Variants in AMBRA1 observed in about 807,000 individuals in gnomAD.
AMBRA1 encodes the protein activating molecule in BECN1-regulated autophagy protein 1.
Under a neutral mutation model 125.4 loss-of-function variants are expected in AMBRA1, and 47 were observed. The ratio of observed to expected loss-of-function variants is 0.37; its 90% CI spans 0.30 to 0.48. AMBRA1 has a LOEUF of 0.48. Among genes scored for constraint, AMBRA1 ranks in the 20% least tolerant of loss-of-function variants. The pLI is 0.99. For missense variants in AMBRA1, 1,331 were observed against 1,693.4 expected (o/e 0.79, Z 3.76); for synonymous variants, 626 against 655.5 (o/e 0.95, Z 0.69).
intron 7 of AMBRA1, among the ~76,000 whole-genome samples, chr11:46,541,065 A>G (rs1394485623): frequency 2.6e-5 from 4 of 152,264 alleles, no homozygotes; most frequent in Non-Finnish European, 1.5e-5. Context: ...GCAGCGCAAT[A>G]TGCTGTTTGG....
At chr11:46,509,849 G>T (rs965840870) in intron 8 of AMBRA1, among the ~76,000 whole-genome samples, 1 of 152,116 alleles carries the variant, frequency 6.6e-6, no homozygotes, top group Non-Finnish European at 1.5e-5. Flanking sequence ...AAAGGGCATA[G>T]ATTTTCGGTT....
At chr11:46,410,177 G>T in intron 16 of AMBRA1, 99 bp downstream of exon 16, 2 of 1,050,914 alleles carry the variant, frequency 1.9e-6, no homozygotes, top group South Asian at 2.5e-5. Flanking sequence ...GTTGAGGAGG[G>T]ACCCAGAGCC....
intron 1 of AMBRA1, among the ~76,000 whole-genome samples, chr11:46,556,285 C>A (rs1393094706): frequency 6.6e-6 from 1 of 152,164 alleles, no homozygotes; most frequent in African/African-American, 2.4e-5. Flanking sequence ...GCACCACAAG[C>A]CAGCACCCAC....
intron 9 of AMBRA1, among the ~76,000 whole-genome samples, chr11:46,499,317 A>C (rs539799754): frequency 6.6e-6 from 1 of 152,154 alleles, no homozygotes; most frequent in South Asian, 2.1e-4. Flanking sequence ...TTCCTGCTGT[A>C]TTTTCCCATT....
chr11:46,439,106 A>G (rs1026112477), intron 12 of AMBRA1, among the ~76,000 whole-genome samples: 1 of 152,158 alleles, frequency 6.6e-6, no homozygotes, highest in Non-Finnish European at 1.5e-5. Flanking sequence ...TCTCATCTCT[A>G]TAAAAAAAAA....
chr11:46,513,710 T>G (rs1056875812), intron 7 of AMBRA1, among the ~76,000 whole-genome samples: 12 of 152,174 alleles, frequency 7.9e-5, no homozygotes, highest in Non-Finnish European at 1.6e-4. Flanking sequence ...AGAGCATATG[T>G]ATTCAATGGA....
chr11:46,546,405 C>T (rs1407010707), intron 4 of AMBRA1, among the ~76,000 whole-genome samples: 1 of 152,026 alleles, frequency 6.6e-6, no homozygotes, highest in Non-Finnish European at 1.5e-5. Context: ...AGACAACCCG[C>T]TAGCCAGTTA....
At chr11:46,494,275 A>G (rs1383962997) in intron 9 of AMBRA1, 71 bp from the exon 10 acceptor site, 3 of 1,336,304 alleles carry the variant, frequency 2.2e-6, no homozygotes, top group African/African-American at 2.9e-5. Context: ...CAAAAAGGAA[A>G]CATCCCCAAA....
intron 7 of AMBRA1, among the ~76,000 whole-genome samples, chr11:46,524,756 C>T (rs1951896232): frequency 6.6e-6 from 1 of 152,120 alleles, no homozygotes; most frequent in South Asian, 2.1e-4. Flanking sequence ...AATATGATGC[C>T]CTCTGTCCAC....
At chr11:46,429,202 A>T in intron 14 of AMBRA1, 1 of 1,426,698 alleles carries the variant, frequency 7.0e-7, no homozygotes, top group Non-Finnish European at 9.6e-7. Context: ...TCCCTCGGAC[A>T]ATCTTCGCCT....
chr11:46,587,716 T>C (rs752159067), intron 1 of AMBRA1, among the ~76,000 whole-genome samples: 21 of 152,162 alleles, frequency 1.4e-4, no homozygotes, highest in Non-Finnish European at 2.1e-4. Flanking sequence ...CAGTCTAAAT[T>C]TCAATATTTA....
intron 8 of AMBRA1, among the ~76,000 whole-genome samples, chr11:46,511,547 G>A (rs1254608495): frequency 6.6e-6 from 1 of 152,208 alleles, no homozygotes; most frequent in Non-Finnish European, 1.5e-5. Flanking sequence ...TCCTAATCTA[G>A]AGCAAAGTTC....
intron 15 of AMBRA1, among the ~76,000 whole-genome samples, chr11:46,413,979 C>G (rs890419584): frequency 3.9e-5 from 6 of 152,144 alleles, no homozygotes; most frequent in African/African-American, 9.7e-5. Context: ...TCAGGGCCAG[C>G]CTTTTCCAGT....
At chr11:46,571,784 G>C (rs2043768465) in intron 1 of AMBRA1, among the ~76,000 whole-genome samples, 1 of 150,328 alleles carries the variant, frequency 6.7e-6, no homozygotes, top group South Asian at 2.1e-4. Context: ...CCACCTCCCA[G>C]GTTCAAGAGA....
chr11:46,587,648 C>G (rs1449430970), intron 1 of AMBRA1, among the ~76,000 whole-genome samples: 1 of 152,132 alleles, frequency 6.6e-6, no homozygotes, highest in African/African-American at 2.4e-5. Flanking sequence ...ACCCAGGGCT[C>G]GCCTCACTCC....
intron 16 of AMBRA1, 115 bp from the exon 17 acceptor site, chr11:46,408,821 A>G: frequency 1.0e-6 from 1 of 988,032 alleles, no homozygotes; most frequent in Non-Finnish European, 1.4e-6. Context: ...CTGCAGGCTA[A>G]GAGAAGCCCT....
intron 11 of AMBRA1, among the ~76,000 whole-genome samples, chr11:46,482,252 A>G (rs1009859012): frequency 2.0e-5 from 3 of 152,170 alleles, no homozygotes; most frequent in African/African-American, 4.8e-5. Context: ...CATGATGGGC[A>G]ATGTTTTGGA....
chr11:46,592,486 C>T (rs183086239), intron 1 of AMBRA1, among the ~76,000 whole-genome samples: 1 of 152,188 alleles, frequency 6.6e-6, no homozygotes, highest in East Asian at 1.9e-4. Context: ...ACTGGGCGGG[C>T]GCGGTGGATG....
At chr11:46,566,533 TACA>T (rs2043539339) in intron 1 of AMBRA1, among the ~76,000 whole-genome samples, 1 of 152,206 alleles carries the variant, frequency 6.6e-6, no homozygotes, top group Non-Finnish European at 1.5e-5. Flanking sequence ...ATTCCATTTA[TACA>T]ACATTCTTAA....
Sources: allele counts gnomAD v4.1 joint callset (sites outside exome capture counted in the v4.1 genomes callset), GRCh38; gene constraint gnomAD v4.1.1; transcripts MANE v1.5; gene names NCBI Gene and HGNC (gene_info 2026-07-23, HGNC 2026-07-21).